Variants in GRK3 observed in about 807,000 individuals in gnomAD.
GRK3 encodes G protein-coupled receptor kinase 3.
In GRK3, 54 loss-of-function variants were observed where a neutral mutation model predicts 95.7. The observed-to-expected ratio is 0.56, with a 90% CI of 0.45 to 0.71. GRK3 has a LOEUF of 0.71. Among genes scored for constraint, GRK3 ranks in the 30% least tolerant of loss-of-function variants. GRK3 has a pLI of 0.00. For missense variants in GRK3, 649 were observed against 851.2 expected, an observed-to-expected ratio of 0.76 and a Z score of 2.96; for synonymous variants, 281 against 290.8, an observed-to-expected ratio of 0.97 and a Z score of 0.34.
intron 2 of GRK3, among the ~76,000 whole-genome samples, chr22:25,631,645 A>G (rs553743494): frequency 1.3e-5 from 2 of 152,278 alleles, no homozygotes; most frequent in Admixed American, 1.3e-4. Context: ...CAATTCTGTG[A>G]GTTTTGACCA....
At chr22:25,658,939 A>T (rs1355392641) in intron 3 of GRK3, among the ~76,000 whole-genome samples, 2 of 152,092 alleles carry the variant, frequency 1.3e-5, no homozygotes, top group Admixed American at 6.6e-5. Context: ...TAAATTTGAG[A>T]TGCTTTCTAG....
intron 5 of GRK3, among the ~76,000 whole-genome samples, chr22:25,664,216 G>T (rs774126325): frequency 7.2e-5 from 11 of 152,188 alleles, no homozygotes; most frequent in Non-Finnish European, 1.2e-4. Flanking sequence ...AGGTTTAAAT[G>T]ACAAGACTTG....
chr22:25,660,424 A>G (rs1222879717), intron 3 of GRK3, among the ~76,000 whole-genome samples: 1 of 152,194 alleles, frequency 6.6e-6, no homozygotes, highest in Non-Finnish European at 1.5e-5. Flanking sequence ...AGAAGACTCC[A>G]TGTGAATTTC....
intron 10 of GRK3, 33 bp from the exon 11 acceptor site, chr22:25,687,504 A>C: frequency 6.2e-7 from 1 of 1,608,650 alleles, no homozygotes; most frequent in Non-Finnish European, 8.5e-7. Context: ...TTAAATTAAC[A>C]TGCTTTGAAT....
intron 2 of GRK3, among the ~76,000 whole-genome samples, chr22:25,620,302 G>A (rs2084574822): frequency 1.3e-5 from 2 of 152,056 alleles, no homozygotes; most frequent in South Asian, 4.1e-4. Flanking sequence ...TCCCACCCTA[G>A]CCTTTTAATA....
intron 1 of GRK3, among the ~76,000 whole-genome samples, chr22:25,599,734 G>C (rs2084396745): frequency 6.6e-6 from 1 of 152,050 alleles, no homozygotes; most frequent in Non-Finnish European, 1.5e-5. Context: ...GTTCACTACA[G>C]AAGATACATG....
chr22:25,669,290 C>T (rs1170230507), intron 6 of GRK3, among the ~76,000 whole-genome samples: 1 of 152,102 alleles, frequency 6.6e-6, no homozygotes, highest in Non-Finnish European at 1.5e-5. Flanking sequence ...TGTCTTCCCA[C>T]CTTCCCTGAG....
Position 25,600,733 on chromosome 22 carries a change from GCTTGTATACCAACGGATGA to G in GRK3, c.114-3641_114-3623del, listed in dbSNP as rs139462194. ...AGGCGGGTCCTAGATAGAACTCATGGCTTGTATACCAACGGATGACTATCTGTTGTAAACTGGAAACTTA... is the reference window on the plus strand; with the variant it reads ...AGGCGGGTCCTAGATAGAACTCATGGCTATCTGTTGTAAACTGGAAACTTA... On this transcript the variant is annotated intron_variant, in intron 1 of 20. Coordinates refer to ENST00000324198, the MANE Select transcript of GRK3 (RefSeq NM_005160.4). 5.5e-3 allele frequency among the ~76,000 whole-genome samples: 834 copies of G among 152,258 alleles called. 6 individuals are homozygous for G. The highest frequency in any genetic ancestry group is 0.018 in the African/African-American group (751 of 41,536).
In GRK3 at chr22:25,672,282, T is replaced by G. The variant is rs369418687; in HGVS notation, c.504-14T>G. On this transcript the variant is annotated splice_polypyrimidine_tract_variant and intron_variant, in intron 6 of 20. Transcript: ENST00000324198. ...GATATTTAACTTTTTAGTAATTATTTTATTCTCTTTTAGTGACAAGTTCAC... is the reference window on the plus strand; with the variant it reads ...GATATTTAACTTTTTAGTAATTATTGTATTCTCTTTTAGTGACAAGTTCAC... The G allele has an allele frequency of 7.7e-6, 10 of 1,303,060 alleles. No homozygotes were observed. The African/African-American group carries it at 1.2e-4, about 15-fold the overall frequency. 80.7% of individuals were successfully genotyped at this position (1,303,060 alleles called of 1,614,324 possible).
intron 3 of GRK3, among the ~76,000 whole-genome samples, chr22:25,649,905 A>C (rs995809168): frequency 1.3e-5 from 2 of 152,118 alleles, no homozygotes; most frequent in Admixed American, 6.5e-5. Flanking sequence ...AGAATAAGAA[A>C]TTTTTCACTT....
intron 9 of GRK3, among the ~76,000 whole-genome samples, chr22:25,682,524 G>A (rs1028179095): frequency 6.6e-6 from 1 of 152,164 alleles, no homozygotes; most frequent in African/African-American, 2.4e-5. Context: ...CTTTAACAAT[G>A]CAAATTCTGT....
Position 25,595,294 on chromosome 22 carries a change from C to T in GRK3, c.114-9083C>T, listed in dbSNP as rs531621755. ...GCCAAAGACTCCAGGAATTGATAAA[C>T]GACTTCAGGAAGTTTCAGGATACAA... On this transcript the variant is annotated intron_variant, in intron 1 of 20. Transcript: ENST00000324198. 1.1e-3 allele frequency among the ~76,000 whole-genome samples: 173 copies of T among 152,066 alleles called. 5 individuals are homozygous for T. Among genetic ancestry groups the T allele is most frequent in the Non-Finnish European group, 4.1e-4 (28 of 67,968 alleles).
chr22:25,645,342 G>T (rs1275949210), intron 3 of GRK3, among the ~76,000 whole-genome samples: 2 of 152,194 alleles, frequency 1.3e-5, no homozygotes, highest in Non-Finnish European at 2.9e-5. Context: ...TTTCACCTAG[G>T]GTTTCTGTTG....
chr22:25,682,156 T>C (rs921084137), intron 9 of GRK3, among the ~76,000 whole-genome samples: 1 of 152,216 alleles, frequency 6.6e-6, no homozygotes. Flanking sequence ...CAGCATTTAT[T>C]TGGTAATGAC....
At chr22:25,663,797 A>G in intron 5 of GRK3, 93 bp downstream of exon 5, 1 of 846,702 alleles carries the variant, frequency 1.2e-6, no homozygotes, top group Non-Finnish European at 1.9e-6. Flanking sequence ...ACACTAGAGG[A>G]CTTGCTTTGT....
chr22:25,700,716 T>A (rs2085251830), intron 13 of GRK3, among the ~76,000 whole-genome samples: 1 of 152,050 alleles, frequency 6.6e-6, no homozygotes, highest in Non-Finnish European at 1.5e-5. Context: ...GCCTCCCGAG[T>A]AGCTGGGACT....
chr22:25,617,328 A>G (rs2084547400), intron 2 of GRK3, among the ~76,000 whole-genome samples: 1 of 152,238 alleles, frequency 6.6e-6, no homozygotes, highest in Admixed American at 6.5e-5. Flanking sequence ...AATTGGTGAC[A>G]GAAAAGAACT....
chr22:25,698,895 G>A (rs887648207), intron 13 of GRK3, among the ~76,000 whole-genome samples: 4 of 152,168 alleles, frequency 2.6e-5, no homozygotes, highest in African/African-American at 7.2e-5. Flanking sequence ...CAGTGTTTTC[G>A]TGGAGTGTGT....
rs150218136 is a variant in GRK3, at chr22:25,697,411, T to C, written c.1160+2197T>C. ...AGATATTAATTCCTTTGTGAAGTCC[T>C]TGATTGGCCTTGATGGAAGCATTAT... On this transcript the variant is annotated intron_variant, in intron 13 of 20. Transcript: ENST00000324198. Among the ~76,000 whole-genome samples the C allele has an allele frequency of 1.3e-4, 20 of 152,380 alleles. No individual in the cohort carries two copies. The East Asian group carries it at 3.7e-3, about 28-fold the overall frequency.
Sources: gnomAD v4.1 joint callset for allele counts (sites outside exome capture counted in the v4.1 genomes callset) on GRCh38, gnomAD v4.1.1 for gene constraint, MANE v1.5 for transcripts, NCBI Gene and HGNC (gene_info 2026-07-23, HGNC 2026-07-21) for gene names.